Variants in OR7C1 observed in about 807,000 individuals in gnomAD.
The protein encoded by OR7C1 is olfactory receptor 7C1.
For missense variants in OR7C1, 324 were observed against 383.3 expected (o/e 0.85, Z 1.29); for synonymous variants, 152 against 160.7 (o/e 0.95, Z 0.41).
At position 14,830,282 on chromosome 19, in the gene OR7C1, G is replaced by A. The variant is rs143029319; in HGVS notation, c.-623+4792C>T. Among the ~76,000 whole-genome samples the A allele has an allele frequency of 3.3e-5, 5 of 152,262 alleles. No individual in the cohort carries two copies. In the East Asian group the frequency reaches 5.8e-4, roughly 18 times the overall value. ...CTTGGACTTCCATTTTGGTATGACT[G>A]TTTTCAGCCCTGTGTTTAAAGAAAC... On this transcript the variant is annotated intron_variant, in intron 1 of 4. Transcript: ENST00000641666.
intron 1 of OR7C1, among the ~76,000 whole-genome samples, chr19:14,820,971 G>T (rs1460102606): frequency 6.6e-6 from 1 of 152,106 alleles, no homozygotes; most frequent in Non-Finnish European, 1.5e-5. Context: ...AAACATGTGT[G>T]GGCCGGGCAT....
At chr19:14,799,924 G>C in exon 5 of OR7C1, 1 of 1,614,148 alleles carries the variant, frequency 6.2e-7, no homozygotes, top group Non-Finnish European at 8.5e-7. Flanking sequence ...AGGTAAAACA[G>C]AGGTCAGCAA....
At chr19:14,816,168 C>T (rs201888006) in intron 1 of OR7C1, among the ~76,000 whole-genome samples, 1 of 151,812 alleles carries the variant, frequency 6.6e-6, no homozygotes, top group African/African-American at 2.4e-5. Flanking sequence ...AGGAGCGTAC[C>T]CCATAAGTGT....
intron 1 of OR7C1, among the ~76,000 whole-genome samples, chr19:14,833,281 C>T (rs2044851962): frequency 1.3e-5 from 2 of 152,190 alleles, no homozygotes; most frequent in South Asian, 4.1e-4. Context: ...GAGTTCAAGA[C>T]CAGCCTGGGC....
At chr19:14,806,627 A>C (rs1052440338) in intron 2 of OR7C1, among the ~76,000 whole-genome samples, 7 of 151,958 alleles carry the variant, frequency 4.6e-5, no homozygotes, top group African/African-American at 1.7e-4. Context: ...GAGTGAGAAC[A>C]TGAGGTGTTT....
chr19:14,811,331 T>C (rs1347876036), intron 1 of OR7C1, among the ~76,000 whole-genome samples: 2 of 151,902 alleles, frequency 1.3e-5, no homozygotes, highest in African/African-American at 4.9e-5. Context: ...GCTCTATGGC[T>C]CCAGGTGTTC....
chr19:14,823,442 A>G (rs60527649), intron 1 of OR7C1, among the ~76,000 whole-genome samples: 6,100 of 152,180 alleles, frequency 0.04, 204 homozygotes, highest in African/African-American at 0.09. Context: ...ACAGAGCAAG[A>G]CTCCGTCTAA....
At chr19:14,823,291 A>G (rs1949362402) in intron 1 of OR7C1, among the ~76,000 whole-genome samples, 1 of 111,738 alleles carries the variant, frequency 8.9e-6, no homozygotes, top group Non-Finnish European at 1.8e-5. Flanking sequence ...CATCTCTACT[A>G]AAAATAAAAA....
chr19:14,799,753 G>T, exon 5 of OR7C1: 8 of 1,614,078 alleles, frequency 5.0e-6, no homozygotes, highest in Non-Finnish European at 6.8e-6. Context: ...AGTGCAGGGG[G>T]TGACAGACGG....
chr19:14,803,426 G>A (rs559357804), intron 2 of OR7C1, among the ~76,000 whole-genome samples: 7 of 151,788 alleles, frequency 4.6e-5, no homozygotes, highest in South Asian at 4.2e-4. Flanking sequence ...TTTGCGGGTC[G>A]CTGCCATGTT....
At chr19:14,822,248 T>C (rs1320135017) in intron 1 of OR7C1, among the ~76,000 whole-genome samples, 1 of 152,168 alleles carries the variant, frequency 6.6e-6, no homozygotes, top group Non-Finnish European at 1.5e-5. Flanking sequence ...CATATGGTAG[T>C]TCTATTTTTA....
intron 1 of OR7C1, among the ~76,000 whole-genome samples, chr19:14,812,617 T>TTAA (rs979693076): frequency 6.6e-6 from 1 of 151,796 alleles, no homozygotes; most frequent in Admixed American, 6.6e-5. Flanking sequence ...GGAGCATGGA[T>TTAA]TTTAAGACGC....
intron 2 of OR7C1, among the ~76,000 whole-genome samples, chr19:14,808,832 C>T (rs1443021618): frequency 2.6e-5 from 4 of 151,970 alleles, no homozygotes; most frequent in African/African-American, 9.7e-5. Flanking sequence ...ATGCTTTGTC[C>T]TCGTTAGAAC....
intron 1 of OR7C1, among the ~76,000 whole-genome samples, chr19:14,815,786 T>TGC (rs780817902): frequency 3.3e-4 from 27 of 82,036 alleles, no homozygotes; most frequent in African/African-American, 1.3e-3. Context: ...AGTTTGTGCG[T>TGC]GTGTGTGTGT....
intron 1 of OR7C1, chr19:14,827,903 G>A: frequency 6.2e-7 from 1 of 1,614,192 alleles, no homozygotes; most frequent in South Asian, 1.1e-5. Flanking sequence ...CGGACAGGAG[G>A]AAGTTTTCAA....
chr19:14,816,819 C>T (rs1250986234), intron 1 of OR7C1, among the ~76,000 whole-genome samples: 1 of 152,122 alleles, frequency 6.6e-6, no homozygotes, highest in East Asian at 1.9e-4. Context: ...ATCTGGAAGG[C>T]AGGTGAGTTA....
intron 1 of OR7C1, among the ~76,000 whole-genome samples, chr19:14,818,731 T>C (rs1215116717): frequency 6.6e-6 from 1 of 152,196 alleles, no homozygotes; most frequent in African/African-American, 2.4e-5. Context: ...TAGATGCGCT[T>C]GGGGTGAATG....
At chr19:14,829,638 G>A (rs1273891340) in intron 1 of OR7C1, among the ~76,000 whole-genome samples, 1 of 152,164 alleles carries the variant, frequency 6.6e-6, no homozygotes, top group African/African-American at 2.4e-5. Flanking sequence ...AAACATCAAG[G>A]GACAAAGTGT....
chr19:14,818,914 C>CT (rs2044728799), intron 1 of OR7C1, among the ~76,000 whole-genome samples: 2 of 151,802 alleles, frequency 1.3e-5, no homozygotes, highest in African/African-American at 4.8e-5. Context: ...TTTTTTCTTT[C>CT]TTTTTTATTA....
Sources: gnomAD v4.1 joint callset for allele counts (sites outside exome capture counted in the v4.1 genomes callset) on GRCh38, gnomAD v4.1.1 for gene constraint, MANE v1.5 for transcripts, NCBI Gene and HGNC (gene_info 2026-07-23, HGNC 2026-07-21) for gene names.